RANBP2: variants seen among roughly 807,000 people sequenced by gnomAD.
RANBP2 encodes E3 SUMO-protein ligase RanBP2.
Under a neutral mutation model 303.6 loss-of-function variants are expected in RANBP2, and 57 were observed. The observed-to-expected ratio is 0.19, with a 90% CI of 0.15 to 0.23. The LOEUF (loss-of-function observed/expected upper bound fraction) is 0.23. Ranked by LOEUF, RANBP2 falls within the 10% of genes least tolerant of loss-of-function variation. RANBP2 has a pLI of 1.00. For synonymous variants in RANBP2, 1,167 were observed against 1,301.5 expected (o/e 0.90, Z 2.23); for missense variants, 3,138 against 3,780.8 (o/e 0.83, Z 4.46).
the RANBP2 span, chr2:108,804,982 G>T: frequency 1.9e-6 from 3 of 1,551,912 alleles, no homozygotes; most frequent in Non-Finnish European, 1.7e-6. Flanking sequence ...TGCATTGAAA[G>T]AATTGAATGA....
At chr2:108,932,371 A>G in the RANBP2 span, among the ~76,000 whole-genome samples, 2 of 151,794 alleles carry the variant, frequency 1.3e-5, no homozygotes, top group African/African-American at 2.4e-5. Flanking sequence ...TACTAAAAAT[A>G]CAAAAAAATT....
At chr2:108,950,723 C>A in the RANBP2 span, among the ~76,000 whole-genome samples, 4 of 152,220 alleles carry the variant, frequency 2.6e-5, no homozygotes, top group African/African-American at 9.6e-5. Context: ...GAGTCCAGTT[C>A]TCCGGGAATC....
the RANBP2 span, among the ~76,000 whole-genome samples, chr2:109,661,169 A>G: frequency 2.0e-5 from 3 of 152,102 alleles, no homozygotes; most frequent in Admixed American, 6.5e-5. Context: ...GCCACCTTCA[A>G]CATGAAGCTT....
At chr2:109,619,332 TACCTAAAAAAAAGCTGTATGG>T in the RANBP2 span, among the ~76,000 whole-genome samples, 156 of 152,156 alleles carry the variant, frequency 1.0e-3, no homozygotes, top group Non-Finnish European at 1.9e-3. Flanking sequence ...CCTCCACCAC[TACCTAAAAAAAAGCTGTATGG>T]GTTTTGCACA....
chr2:108,966,944 T>C, the RANBP2 span, among the ~76,000 whole-genome samples: 1 of 152,202 alleles, frequency 6.6e-6, no homozygotes, highest in Non-Finnish European at 1.5e-5. Flanking sequence ...TGGGTTTGTT[T>C]GTTTGTTTGA....
chr2:109,228,064 C>T, the RANBP2 span, among the ~76,000 whole-genome samples: 6 of 152,240 alleles, frequency 3.9e-5, no homozygotes, highest in South Asian at 6.2e-4. Context: ...GACACAGGTA[C>T]GAGTGTCTGG....
chr2:109,449,097 T>C, the RANBP2 span: 1 of 1,517,774 alleles, frequency 6.6e-7, no homozygotes, highest in South Asian at 1.3e-5. Flanking sequence ...GAGTGTGCAT[T>C]GCAGCTGCCT....
chr2:108,906,753 A>G, the RANBP2 span, among the ~76,000 whole-genome samples: 6 of 152,358 alleles, frequency 3.9e-5, no homozygotes, highest in Non-Finnish European at 8.8e-5. Context: ...CCAGGAGACC[A>G]GGCCCACGGT....
At chr2:109,700,153 A>G in the RANBP2 span, among the ~76,000 whole-genome samples, 1 of 152,310 alleles carries the variant, frequency 6.6e-6, no homozygotes, top group Non-Finnish European at 1.5e-5. Flanking sequence ...AAGTCCATTT[A>G]TAGTTAAGTA....
the RANBP2 span, among the ~76,000 whole-genome samples, chr2:109,304,489 T>C: frequency 6.6e-6 from 1 of 152,198 alleles, no homozygotes; most frequent in South Asian, 2.1e-4. Flanking sequence ...TCTCTGGACC[T>C]GCTTCCTGAG....
chr2:109,132,100 A>G, the RANBP2 span, among the ~76,000 whole-genome samples: 4 of 152,182 alleles, frequency 2.6e-5, no homozygotes, highest in Admixed American at 6.5e-5. Context: ...TCCTGCCAGG[A>G]AAGTTGAATG....
the RANBP2 span, among the ~76,000 whole-genome samples, chr2:109,050,886 T>C: frequency 6.6e-6 from 1 of 152,230 alleles, no homozygotes; most frequent in African/African-American, 2.4e-5. Flanking sequence ...TTAGGAGATG[T>C]GTAATATATA....
the RANBP2 span, among the ~76,000 whole-genome samples, chr2:109,679,217 T>C: frequency 3.9e-5 from 6 of 152,202 alleles, no homozygotes; most frequent in Admixed American, 3.9e-4. Flanking sequence ...AGACCCTGTG[T>C]GCAGAGAACA....
In RANBP2 at chr2:108,763,030, A is replaced by G. The variant is rs182695463; in HGVS notation, c.2698-207A>G. On this transcript the variant is annotated intron_variant, in intron 19 of 28. Coordinates refer to ENST00000283195, the MANE Select transcript of RANBP2 (RefSeq NM_006267.5). ...AGCTTATGGGAGTTATTTATATCCT[A>G]CTGCTCAAGGTCATTGCCAAGGTCT... 3.3e-3 allele frequency among the ~76,000 whole-genome samples: 503 copies of G among 152,246 alleles called. 2 individuals carry two copies. The highest frequency in any genetic ancestry group is 0.011 in the African/African-American group (445 of 41,544).
the RANBP2 span, among the ~76,000 whole-genome samples, chr2:108,807,438 A>G: frequency 2.0e-3 from 306 of 152,314 alleles, no homozygotes; most frequent in Non-Finnish European, 3.0e-3. Context: ...TTGATACAGT[A>G]ATGTGTAATG....
the RANBP2 span, among the ~76,000 whole-genome samples, chr2:109,688,888 CT>C: frequency 6.7e-6 from 1 of 149,014 alleles, no homozygotes; most frequent in African/African-American, 2.5e-5. Flanking sequence ...TCCTTCCTTC[CT>C]TCCTTCCTTC....
chr2:109,071,673 C>CAA, the RANBP2 span, among the ~76,000 whole-genome samples: 911 of 146,978 alleles, frequency 6.2e-3, 9 homozygotes, highest in African/African-American at 0.02. Context: ...GACTCTATCT[C>CAA]AAAAAAAAAA....
the RANBP2 span, among the ~76,000 whole-genome samples, chr2:109,640,339 C>CAT: frequency 6.6e-6 from 1 of 152,104 alleles, no homozygotes; most frequent in African/African-American, 2.4e-5. Context: ...GTAATCCCAG[C>CAT]TACTTAGGAG....
chr2:109,515,422 A>T, the RANBP2 span, among the ~76,000 whole-genome samples: 1 of 152,224 alleles, frequency 6.6e-6, no homozygotes, highest in East Asian at 1.9e-4. Flanking sequence ...AACTTGCTTC[A>T]TCTCATGGCT....
Sources: gnomAD v4.1 joint callset for allele counts (sites outside exome capture counted in the v4.1 genomes callset) on GRCh38, gnomAD v4.1.1 for gene constraint, MANE v1.5 for transcripts, NCBI Gene and HGNC (gene_info 2026-07-23, HGNC 2026-07-21) for gene names.